KIF1B: variants seen among roughly 807,000 people sequenced by gnomAD.
The protein encoded by KIF1B is kinesin family member 1B.
In KIF1B, 76 loss-of-function variants were observed where a neutral mutation model predicts 241.9. The ratio of observed to expected loss-of-function variants is 0.31; its 90% CI spans 0.26 to 0.38. The LOEUF is 0.38. KIF1B is among the 10% of genes least tolerant of loss of function. The pLI, the probability that KIF1B is intolerant of heterozygous loss-of-function variation, is 1.00. For synonymous variants in KIF1B, 750 were observed against 796.7 expected (o/e 0.94, Z 0.99); for missense variants, 1,622 against 2,271.4 (o/e 0.71, Z 5.81).
At chr1:10,267,340 T>G in intron 5 of KIF1B, 40 bp from the exon 6 acceptor site, 1 of 1,590,062 alleles carries the variant, frequency 6.3e-7, no homozygotes. Flanking sequence ...TGTATGTGAT[T>G]TCTTTTTCAC....
chr1:10,320,333 T>TG (rs1370061137), intron 23 of KIF1B, among the ~76,000 whole-genome samples, 197 bp downstream of exon 23: 1 of 152,208 alleles, frequency 6.6e-6, no homozygotes, highest in Non-Finnish European at 1.5e-5. Flanking sequence ...GAGGTGGGGA[T>TG]GGGAGTGATG....
chr1:10,311,277 C>T (rs867522666), intron 22 of KIF1B, among the ~76,000 whole-genome samples: 4 of 149,398 alleles, frequency 2.7e-5, no homozygotes, highest in East Asian at 1.9e-4. Context: ...TGCAGTGGCA[C>T]GATCTGAGCT....
At position 10,375,249 on chromosome 1, in the gene KIF1B, T is replaced by C. The variant is rs1380961518; in HGVS notation, c.5290-6T>C. On this transcript the variant is annotated splice_region_variant and splice_polypyrimidine_tract_variant and intron_variant, in intron 47 of 48. Coordinates refer to ENST00000676179, the MANE Select transcript of KIF1B (RefSeq NM_001365951.3). Reference sequence around the variant, plus strand: ...ACTTTCTTGTCTACCTGCATTTTTCTTTCAGACACCAAACACCTTTGCTGT... The same window carrying C: ...ACTTTCTTGTCTACCTGCATTTTTCCTTCAGACACCAAACACCTTTGCTGT... 6.2e-7 allele frequency: 1 copy of C among 1,612,542 alleles called. No homozygotes were observed. Among genetic ancestry groups the C allele is most frequent in the Non-Finnish European group, 8.5e-7 (1 of 1,178,588 alleles).
chr1:10,235,319 C>T, intron 2 of KIF1B, among the ~76,000 whole-genome samples: 1 of 152,130 alleles, frequency 6.6e-6, no homozygotes, highest in Non-Finnish European at 1.5e-5. Flanking sequence ...GTGGCACCAT[C>T]TCAGCTCACT....
intron 1 of KIF1B, among the ~76,000 whole-genome samples, chr1:10,215,751 G>A (rs1371981035): frequency 1.3e-5 from 2 of 151,766 alleles, no homozygotes; most frequent in African/African-American, 4.8e-5. Context: ...TCACTATATT[G>A]CCTATTGCCC....
In KIF1B at chr1:10,242,688, T is replaced by G. The variant is rs144751349; in HGVS notation, c.106+10254T>G. ...CCCACCACCATGCCCAGCTAATTTTTGTATTTTTAGTAGTGACAGGGTTTC... is the reference window on the plus strand; with the variant it reads ...CCCACCACCATGCCCAGCTAATTTTGGTATTTTTAGTAGTGACAGGGTTTC... On this transcript the variant is annotated intron_variant, in intron 2 of 48. Transcript: ENST00000676179. 5.2e-3 allele frequency among the ~76,000 whole-genome samples: 784 copies of G among 152,186 alleles called. 5 individuals carry two copies. Among genetic ancestry groups the G allele is most frequent in the African/African-American group, 0.018 (761 of 41,516 alleles).
At chr1:10,271,422 A>G in intron 7 of KIF1B, 80 bp from the exon 8 acceptor site, 1 of 1,031,778 alleles carries the variant, frequency 9.7e-7, no homozygotes, top group Non-Finnish European at 1.5e-6. Context: ...TAATCTTTTA[A>G]AAAGCATTCT....
At chr1:10,228,189 C>CA (rs918380870) in intron 1 of KIF1B, among the ~76,000 whole-genome samples, 22 of 147,930 alleles carry the variant, frequency 1.5e-4, no homozygotes, top group East Asian at 1.2e-3. Context: ...GACTCCATCT[C>CA]AAAAAAAAAG....
intron 22 of KIF1B, chr1:10,307,590 G>A (rs1650892686): frequency 4.0e-6 from 4 of 1,003,928 alleles, no homozygotes; most frequent in African/African-American, 1.7e-5. Context: ...GATTACAGGC[G>A]TGAGCCACCG....
rs1243825815 is a variant in KIF1B at position 10,218,237 on chromosome 1, C to G, written c.-80+7359C>G. ...ATACTGCCCTTGCTGTGGTTTCCAGCCTTTATTGCTGAAACCAGGAGGCAC... is the reference window on the plus strand; with the variant it reads ...ATACTGCCCTTGCTGTGGTTTCCAGGCTTTATTGCTGAAACCAGGAGGCAC... On this transcript the variant is annotated intron_variant, in intron 1 of 48. Coordinates refer to ENST00000676179, the MANE Select transcript of KIF1B (RefSeq NM_001365951.3). 3.3e-5 allele frequency among the ~76,000 whole-genome samples: 5 copies of G among 152,186 alleles called. No homozygotes were observed. In the Middle Eastern group the frequency reaches 0.014, roughly 414 times the overall value.
intron 2 of KIF1B, among the ~76,000 whole-genome samples, chr1:10,237,310 G>T (rs1647069737): frequency 6.6e-6 from 1 of 152,160 alleles, no homozygotes; most frequent in South Asian, 2.1e-4. Flanking sequence ...CAAAGTGAAT[G>T]ATCTAACCGC....
At chr1:10,292,966 T>C (rs1421213073) in intron 17 of KIF1B, among the ~76,000 whole-genome samples, 1 of 152,200 alleles carries the variant, frequency 6.6e-6, no homozygotes, top group Non-Finnish European at 1.5e-5. Flanking sequence ...GTTGATGATC[T>C]CTCTAAGTTA....
In KIF1B at chr1:10,336,850, CAGAG is replaced by C. The variant is rs1344922074; in HGVS notation, c.3129+109_3129+112del. 26 of 1,136,250 alleles carry C rather than the reference CAGAG, an allele frequency of 2.3e-5. No homozygotes were observed. In the African/African-American group the frequency reaches 3.8e-4, roughly 17 times the overall value. 70.4% of individuals were successfully genotyped at this position (1,136,250 alleles called of 1,614,324 possible). On this transcript the variant is annotated intron_variant, in intron 29 of 48. Coordinates refer to ENST00000676179, the MANE Select transcript of KIF1B (RefSeq NM_001365951.3). Reference sequence around the variant, plus strand: ...GAAAAATACAGGGTGCTGGTTGCCACAGAGTAGTTCAATAGAATATGGGACATGT... The same window carrying C: ...GAAAAATACAGGGTGCTGGTTGCCACTAGTTCAATAGAATATGGGACATGT...
chr1:10,357,346 T>C (rs1638279031), intron 38 of KIF1B, among the ~76,000 whole-genome samples: 2 of 152,228 alleles, frequency 1.3e-5, no homozygotes, highest in South Asian at 4.1e-4. Context: ...CAGGAAAATA[T>C]GTCTTGGGAT....
At chr1:10,279,914 G>C (rs902188649) in intron 14 of KIF1B, among the ~76,000 whole-genome samples, 1 of 151,844 alleles carries the variant, frequency 6.6e-6, no homozygotes, top group African/African-American at 2.4e-5. Flanking sequence ...TGTTTCCCAG[G>C]CTGGTCTGGA....
chr1:10,321,481 A>G (rs1651522406), intron 23 of KIF1B, among the ~76,000 whole-genome samples: 2 of 152,092 alleles, frequency 1.3e-5, no homozygotes, highest in Non-Finnish European at 2.9e-5. Flanking sequence ...TTGTTGTACT[A>G]TTTTAAATAA....
intron 7 of KIF1B, 40 bp from the exon 8 acceptor site, chr1:10,271,462 C>A: frequency 7.1e-7 from 1 of 1,404,558 alleles, no homozygotes; most frequent in Non-Finnish European, 1.0e-6. Context: ...TTCTATCTTG[C>A]TTATTTTTGA....
chr1:10,278,167 C>T (rs1649220021), intron 13 of KIF1B, 39 bp downstream of exon 13: 1 of 1,598,142 alleles, frequency 6.3e-7, no homozygotes, highest in Non-Finnish European at 8.6e-7. Context: ...CTAATCCTTT[C>T]TTCTTCAGGG....
chr1:10,323,804 A>T (rs1253802091), intron 24 of KIF1B, 80 bp from the exon 25 acceptor site: 1 of 1,180,914 alleles, frequency 8.5e-7, no homozygotes, highest in Non-Finnish European at 1.3e-6. Flanking sequence ...CCTCTTTCCC[A>T]TTGGGTATGA....
Sources: allele counts gnomAD v4.1 joint callset (sites outside exome capture counted in the v4.1 genomes callset), GRCh38; gene constraint gnomAD v4.1.1; transcripts MANE v1.5; gene names NCBI Gene and HGNC (gene_info 2026-07-23, HGNC 2026-07-21).